The following RPIA variants were observed in gnomAD, a reference collection of about 807,000 sequenced individuals.
RPIA encodes the protein ribose-5-phosphate isomerase.
Under a neutral mutation model 37.8 loss-of-function variants are expected in RPIA, and 29 were observed. The ratio of observed to expected loss-of-function variants is 0.77; its 90% CI spans 0.57 to 1.05. RPIA has a LOEUF of 1.05. RPIA is among the 50% of genes least tolerant of loss of function. The pLI, the probability that RPIA is intolerant of heterozygous loss-of-function variation, is 0.00. For synonymous variants in RPIA, 167 were observed against 157.0 expected (o/e 1.06, Z -0.48); for missense variants, 385 against 413.6 (o/e 0.93, Z 0.60).
intron 1 of RPIA, among the ~76,000 whole-genome samples, chr2:88,697,959 C>G: frequency 6.6e-6 from 1 of 152,122 alleles, no homozygotes; most frequent in East Asian, 1.9e-4. Context: ...AAGCCAGAAG[C>G]CTTAGCTTTC....
At chr2:88,746,059 CTCGT>C (rs1673434240) in intron 8 of RPIA, among the ~76,000 whole-genome samples, 3 of 151,596 alleles carry the variant, frequency 2.0e-5, no homozygotes, top group Admixed American at 2.0e-4. Flanking sequence ...TTTTTTTCTA[CTCGT>C]TCTAATCTGT....
chr2:88,735,617 C>T, intron 5 of RPIA, 52 bp from the exon 6 acceptor site: 3 of 1,553,558 alleles, frequency 1.9e-6, no homozygotes, highest in Non-Finnish European at 2.7e-6. Context: ...ACCTTAGTTC[C>T]CAAACTGAGA....
intron 3 of RPIA, 95 bp from the exon 4 acceptor site, chr2:88,729,183 G>C: frequency 7.5e-7 from 1 of 1,327,110 alleles, no homozygotes; most frequent in South Asian, 1.2e-5. Flanking sequence ...GAGAGCCTGG[G>C]TAGGACTTGG....
chr2:88,711,331 A>C (rs1270450521), intron 3 of RPIA, among the ~76,000 whole-genome samples: 1 of 152,246 alleles, frequency 6.6e-6, no homozygotes, highest in Non-Finnish European at 1.5e-5. Context: ...AGTACATGTA[A>C]CATGTACTTT....
intron 1 of RPIA, among the ~76,000 whole-genome samples, chr2:88,693,859 T>C (rs1676978132): frequency 1.3e-5 from 2 of 152,246 alleles, no homozygotes; most frequent in South Asian, 4.1e-4. Flanking sequence ...TATAGCCACC[T>C]TGGGCCCAGC....
chr2:88,717,548 A>G (rs375228632), intron 3 of RPIA, among the ~76,000 whole-genome samples: 1 of 152,180 alleles, frequency 6.6e-6, no homozygotes, highest in African/African-American at 2.4e-5. Flanking sequence ...AGAGGCAATC[A>G]GATATGCATT....
chr2:88,709,264 C>T lies in RPIA; in HGVS notation c.402+9200C>T, dbSNP rs148928453. On this transcript the variant is annotated intron_variant, in intron 3 of 8. Transcript: ENST00000283646. ...TTGCTTCGACGATATTTTCCTCCTG[C>T]GTGTGCTATGACTCTTCTGCAAGGA... 6.6e-4 allele frequency among the ~76,000 whole-genome samples: 101 copies of T among 152,308 alleles called. 1 individual carries two copies. The East Asian group carries it at 0.015, about 22-fold the overall frequency.
At chr2:88,721,330 G>A (rs867350508) in intron 3 of RPIA, among the ~76,000 whole-genome samples, 7 of 151,332 alleles carry the variant, frequency 4.6e-5, no homozygotes, top group South Asian at 2.1e-4. Context: ...AAAACTGCAC[G>A]TTCTGCACAT....
intron 2 of RPIA, among the ~76,000 whole-genome samples, chr2:88,699,509 A>G (rs1672802383): frequency 6.6e-6 from 1 of 152,046 alleles, no homozygotes; most frequent in Non-Finnish European, 1.5e-5. Flanking sequence ...GTTTTTTACT[A>G]AAATGCAAAA....
chr2:88,694,544 A>G (rs1195161121), intron 1 of RPIA, among the ~76,000 whole-genome samples: 1 of 152,114 alleles, frequency 6.6e-6, no homozygotes. Flanking sequence ...ACACACACAC[A>G]ATGTTTTTAT....
chr2:88,692,385 CG>C (rs1280097992), intron 1 of RPIA, among the ~76,000 whole-genome samples: 1 of 152,030 alleles, frequency 6.6e-6, no homozygotes, highest in African/African-American at 2.4e-5. Context: ...CGGAAGCCGG[CG>C]GAGAGTTGGT....
chr2:88,702,874 A>G (rs1015581943), intron 3 of RPIA, among the ~76,000 whole-genome samples: 1 of 152,246 alleles, frequency 6.6e-6, no homozygotes, highest in Non-Finnish European at 1.5e-5. Flanking sequence ...GTAAGCCTAT[A>G]AAATCAAAAG....
intron 3 of RPIA, among the ~76,000 whole-genome samples, chr2:88,725,275 C>T (rs1029354714): frequency 1.3e-5 from 2 of 152,008 alleles, no homozygotes; most frequent in African/African-American, 2.4e-5. Flanking sequence ...AACCCTTATG[C>T]TGTTTGTGGA....
chr2:88,721,569 A>ACACACC (rs1673130487), intron 3 of RPIA, among the ~76,000 whole-genome samples: 3 of 91,132 alleles, frequency 3.3e-5, no homozygotes, highest in Non-Finnish European at 4.6e-5. Context: ...ACACACACAC[A>ACACACC]CACCCCCCCC....
In RPIA at chr2:88,738,000, G is replaced by C; in HGVS notation, c.762G>C (p.Gly254=). The C allele has an allele frequency of 6.2e-7, 1 of 1,613,790 alleles. No homozygotes were observed. The highest frequency in any genetic ancestry group is 8.5e-7 in the Non-Finnish European group (1 of 1,179,706). Residue 254 remains glycine, a synonymous_variant, in exon 8 of 9, where the codon GGG becomes GGC. Transcript: ENST00000283646. ...NKAGPVVTDN[G]NFILDWKFDR... ...AGGGTCCTGTGGTGACAGATAATGG[G>C]AATTTTATCTTGGACTGGAAGTTTG...
chr2:88,713,480 C>T lies in RPIA; in HGVS notation c.402+13416C>T, dbSNP rs1672989548. On this transcript the variant is annotated intron_variant, in intron 3 of 8. Transcript: ENST00000283646. ...GGTAGATACCCTTCTGATTTGTGATCCTTTGTATGAAATCTATTTTTAATT... is the reference window on the plus strand; with the variant it reads ...GGTAGATACCCTTCTGATTTGTGATTCTTTGTATGAAATCTATTTTTAATT... Among the ~76,000 whole-genome samples, 4 of 152,084 alleles carry T rather than the reference C, an allele frequency of 2.6e-5. No homozygotes were observed. The South Asian group carries it at 8.3e-4, about 32-fold the overall frequency.
At chr2:88,702,888 G>A (rs771927499) in intron 3 of RPIA, among the ~76,000 whole-genome samples, 1 of 152,212 alleles carries the variant, frequency 6.6e-6, no homozygotes, top group Non-Finnish European at 1.5e-5. Context: ...TCAAAAGCAA[G>A]CTAGTTATTT....
At chr2:88,724,561 G>A (rs1055357592) in intron 3 of RPIA, among the ~76,000 whole-genome samples, 2 of 152,042 alleles carry the variant, frequency 1.3e-5, no homozygotes, top group African/African-American at 4.8e-5. Flanking sequence ...TGCCCACCTC[G>A]GCCTTCCAAA....
At chr2:88,747,544 G>T (rs966806374) in intron 8 of RPIA, among the ~76,000 whole-genome samples, 2 of 152,152 alleles carry the variant, frequency 1.3e-5, no homozygotes, top group Admixed American at 6.5e-5. Flanking sequence ...CCCCTCCCCA[G>T]TTCTGCTGGC....
Sources: allele counts gnomAD v4.1 joint callset (sites outside exome capture counted in the v4.1 genomes callset), GRCh38; gene constraint gnomAD v4.1.1; transcripts MANE v1.5; gene names NCBI Gene and HGNC (gene_info 2026-07-23, HGNC 2026-07-21).